The following ZSCAN5A variants were observed in gnomAD, a reference collection of about 807,000 sequenced individuals.
ZSCAN5A encodes the protein zinc finger and SCAN domain containing 5A, also known as zinc finger and SCAN domain-containing protein 5A.
ZSCAN5A carries 12 observed loss-of-function variants against 23.7 expected under a neutral mutation model. The ratio of observed to expected loss-of-function variants is 0.51; its 90% CI spans 0.32 to 0.82. ZSCAN5A has a LOEUF of 0.82. ZSCAN5A is among the 40% of genes least tolerant of loss of function. The pLI is 0.03. For missense variants in ZSCAN5A, 597 were observed against 617.9 expected, an observed-to-expected ratio of 0.97 and a Z score of 0.36; for synonymous variants, 257 against 239.9, an observed-to-expected ratio of 1.07 and a Z score of -0.66.
At position 56,255,433 on chromosome 19, in the gene ZSCAN5A, C is replaced by T. The variant is rs75474429; in HGVS notation, c.-127-30260G>A. Among the ~76,000 whole-genome samples the T allele has an allele frequency of 6.6e-3, 1,004 of 152,138 alleles. 8 individuals carry two copies. Among genetic ancestry groups the T allele is most frequent in the African/African-American group, 0.023 (956 of 41,492 alleles). On this transcript the variant is annotated intron_variant, in intron 2 of 5. Coordinates refer to ENST00000683990, the MANE Select transcript of ZSCAN5A (RefSeq NM_001322064.3). The stretch of plus-strand genomic sequence containing the variant: ...AAAGTCTGCCGCCCGCTGCTGCCCA[C>T]GAGCAAACAGAAAAACAAAAAACCC...
intron 2 of ZSCAN5A, among the ~76,000 whole-genome samples, chr19:56,231,556 C>T (rs2034465132): frequency 6.6e-6 from 1 of 152,200 alleles, no homozygotes; most frequent in South Asian, 2.1e-4. Flanking sequence ...GTAAAGGTGG[C>T]TCCAGCCCCC....
intron 2 of ZSCAN5A, among the ~76,000 whole-genome samples, chr19:56,249,197 A>C (rs912806305): frequency 2.0e-5 from 3 of 152,210 alleles, no homozygotes; most frequent in African/African-American, 7.2e-5. Flanking sequence ...AATCTACAAA[A>C]GGGTGGGCCC....
At chr19:56,276,212 T>C (rs1266241151) in intron 2 of ZSCAN5A, among the ~76,000 whole-genome samples, 1 of 152,190 alleles carries the variant, frequency 6.6e-6, no homozygotes, top group Non-Finnish European at 1.5e-5. Flanking sequence ...AGGGTGGCAC[T>C]TGGATCTGGT....
intron 2 of ZSCAN5A, among the ~76,000 whole-genome samples, chr19:56,354,959 G>A (rs913595702): frequency 3.9e-5 from 6 of 152,142 alleles, no homozygotes; most frequent in Admixed American, 6.5e-5. Flanking sequence ...CTTCATTTAA[G>A]TAAATCCTGG....
intron 2 of ZSCAN5A, chr19:56,321,419 C>CA: frequency 1.5e-6 from 1 of 662,810 alleles, no homozygotes; most frequent in Non-Finnish European, 2.8e-6. Flanking sequence ...ATTTTGCACA[C>CA]AGAGTCTGTG....
At chr19:56,251,783 A>G (rs1346460585) in intron 2 of ZSCAN5A, among the ~76,000 whole-genome samples, 1 of 152,188 alleles carries the variant, frequency 6.6e-6, no homozygotes, top group African/African-American at 2.4e-5. Flanking sequence ...GGCCAGTCTC[A>G]AAGTCCTGAG....
intron 2 of ZSCAN5A, 130 bp downstream of exon 2, chr19:56,313,153 T>C: frequency 4.5e-6 from 1 of 220,146 alleles, no homozygotes; most frequent in Non-Finnish European, 9.5e-6. Flanking sequence ...AAGAAACTGC[T>C]AAAAGCCACG....
intron 2 of ZSCAN5A, among the ~76,000 whole-genome samples, chr19:56,236,982 G>C (rs2034984675): frequency 6.6e-6 from 1 of 152,274 alleles, no homozygotes; most frequent in Admixed American, 6.5e-5. Context: ...GTCAGCCTCT[G>C]ACTGGTCGCA....
intron 2 of ZSCAN5A, chr19:56,245,189 T>C (rs747010963): frequency 1.5e-5 from 8 of 532,674 alleles, no homozygotes; most frequent in Admixed American, 2.8e-5. Context: ...CAGGTTCTCA[T>C]AGTGAGTCTG....
chr19:56,321,910 G>T, intron 2 of ZSCAN5A: 1 of 783,670 alleles, frequency 1.3e-6, no homozygotes, highest in Non-Finnish European at 2.4e-6. Context: ...TTACCATCCG[G>T]TACTGCTCAA....
intron 2 of ZSCAN5A, chr19:56,284,271 G>T (rs2038937212): frequency 1.6e-6 from 1 of 643,788 alleles, no homozygotes; most frequent in African/African-American, 2.0e-5. Flanking sequence ...TTTGGGCTTT[G>T]CTCTAGAATG....
chr19:56,253,715 AT>A (rs911912065), intron 2 of ZSCAN5A, among the ~76,000 whole-genome samples: 12 of 151,580 alleles, frequency 7.9e-5, no homozygotes, highest in African/African-American at 1.9e-4. Flanking sequence ...CACTAAATAC[AT>A]TTTTTTTTCT....
intron 2 of ZSCAN5A, among the ~76,000 whole-genome samples, chr19:56,349,304 A>G (rs571456917): frequency 6.6e-6 from 1 of 152,250 alleles, no homozygotes; most frequent in East Asian, 1.9e-4. Context: ...AGTTACAGGA[A>G]TCAACTTGTG....
intron 2 of ZSCAN5A, among the ~76,000 whole-genome samples, chr19:56,293,631 T>C (rs543224288): frequency 6.6e-6 from 1 of 152,296 alleles, no homozygotes; most frequent in African/African-American, 2.4e-5. Context: ...CACATAATAG[T>C]TCCAGCCTCA....
intron 2 of ZSCAN5A, among the ~76,000 whole-genome samples, chr19:56,240,377 A>G (rs935526852): frequency 2.0e-5 from 3 of 152,180 alleles, no homozygotes; most frequent in Non-Finnish European, 4.4e-5. Context: ...GATCACCTAA[A>G]ATGGATTACG....
chr19:56,247,801 C>T (rs1275754369), intron 2 of ZSCAN5A, among the ~76,000 whole-genome samples: 1 of 152,026 alleles, frequency 6.6e-6, no homozygotes, highest in Non-Finnish European at 1.5e-5. Flanking sequence ...ACATCATTCT[C>T]CTGCCTCAGC....
upstream of ZSCAN5A, chr19:56,318,103 G>C (rs1002649451): frequency 1.3e-5 from 2 of 151,298 alleles, no homozygotes; most frequent in African/African-American, 4.8e-5. Context: ...CGCCATTTAG[G>C]TGGACTGTTT....
At chr19:56,232,537 G>C (rs560645247) in intron 2 of ZSCAN5A, among the ~76,000 whole-genome samples, 1 of 152,056 alleles carries the variant, frequency 6.6e-6, no homozygotes, top group Non-Finnish European at 1.5e-5. Context: ...TTGAAAACAA[G>C]TTCAGAATCT....
In ZSCAN5A at chr19:56,223,648, C is replaced by A; in HGVS notation, c.571G>T (p.Ala191Ser). Residue 191 changes from alanine (A) to serine (S), a missense_variant, in exon 4 of 6, where the codon GCA (alanine) becomes TCA (serine). This residue lies in a region of ZSCAN5A where 406 missense variants were observed against 353.2 expected (regional missense o/e 1.15). Coordinates refer to ENST00000683990, the MANE Select transcript of ZSCAN5A (RefSeq NM_001322064.3). Reference protein sequence around the residue: ...RELQILPRVPALSRRQGEDFL... With the variant: ...RELQILPRVPSLSRRQGEDFL... ...ACACTCACCTGCCTCCTGGACAATG[C>A]AGGGACCCTGGGCAGGATCTGCAGC... 6.2e-7 allele frequency: 1 copy of A among 1,613,796 alleles called. No homozygotes were observed. The highest frequency in any genetic ancestry group is 8.5e-7 in the Non-Finnish European group (1 of 1,179,966).
Sources: allele counts gnomAD v4.1 joint callset (sites outside exome capture counted in the v4.1 genomes callset), GRCh38; gene constraint gnomAD v4.1.1; regional missense constraint gnomAD v4.1.1; transcripts MANE v1.5; gene names NCBI Gene and HGNC (gene_info 2026-07-23, HGNC 2026-07-21).